The following RAB8B variants were observed in gnomAD, a reference collection of about 807,000 sequenced individuals.
The protein encoded by RAB8B is RAB8B, member RAS oncogene family, also known as ras-related protein Rab-8B.
Under a neutral mutation model 32.0 loss-of-function variants are expected in RAB8B, and 11 were observed. That is an observed-to-expected ratio of 0.34 (90% CI 0.22 to 0.57). RAB8B has a LOEUF of 0.57. Among genes scored for constraint, RAB8B ranks in the 20% least tolerant of loss-of-function variants. The probability of loss-of-function intolerance (pLI) is 0.86; values close to 1 mark genes in which losing one functional copy is unlikely to be tolerated. For missense variants in RAB8B, 190 were observed against 258.5 expected, an observed-to-expected ratio of 0.73 and a Z score of 1.82; for synonymous variants, 103 against 89.6, an observed-to-expected ratio of 1.15 and a Z score of -0.85.
chr15:63,240,427 A>G (rs933445087), intron 1 of RAB8B, among the ~76,000 whole-genome samples: 3 of 152,082 alleles, frequency 2.0e-5, no homozygotes, highest in African/African-American at 7.2e-5. Context: ...ACCTTTTTTT[A>G]TGGATGAGGA....
intron 3 of RAB8B, among the ~76,000 whole-genome samples, chr15:63,253,007 C>CA (rs1472725385): frequency 6.6e-6 from 1 of 152,182 alleles, no homozygotes; most frequent in Non-Finnish European, 1.5e-5. Context: ...CTCGGCCTCC[C>CA]AAAGTGCTGG....
Position 63,228,752 on chromosome 15 carries a change from A to G in RAB8B, c.125-16004A>G, listed in dbSNP as rs2037909729. Among the ~76,000 whole-genome samples the G allele has an allele frequency of 2.0e-5, 3 of 152,360 alleles. 1 individual carries two copies. The South Asian group carries it at 6.2e-4, about 32-fold the overall frequency. ...TTGTGCTTTTTTTCCCATAGAAACA[A>G]GATTATACTAAATGCTAAGATTTTG... is the stretch of plus-strand genomic sequence containing the variant. On this transcript the variant is annotated intron_variant, in intron 1 of 7. Transcript: ENST00000321437.
chr15:63,219,000 G>C (rs1005148943), intron 1 of RAB8B, among the ~76,000 whole-genome samples: 4 of 101,812 alleles, frequency 3.9e-5, no homozygotes, highest in Admixed American at 1.2e-4. Flanking sequence ...TCTTCCAGCA[G>C]TGGATTTTTT....
intron 2 of RAB8B, among the ~76,000 whole-genome samples, chr15:63,245,957 C>T (rs2038068097): frequency 1.3e-5 from 2 of 152,176 alleles, no homozygotes; most frequent in Non-Finnish European, 2.9e-5. Flanking sequence ...ACTGCAACCT[C>T]CACCTCCCGG....
At chr15:63,215,089 AG>A (rs2037781404) in intron 1 of RAB8B, among the ~76,000 whole-genome samples, 1 of 152,196 alleles carries the variant, frequency 6.6e-6, no homozygotes, top group African/African-American at 2.4e-5. Flanking sequence ...AACTACCAAC[AG>A]GGGCTCTGGG....
At chr15:63,220,145 A>G (rs2037831596) in intron 1 of RAB8B, among the ~76,000 whole-genome samples, 1 of 152,180 alleles carries the variant, frequency 6.6e-6, no homozygotes, top group Non-Finnish European at 1.5e-5. Context: ...ATTGCTATTT[A>G]TTTCAGTGTG....
Position 63,212,419 on chromosome 15 carries a change from C to T in RAB8B, c.124+22671C>T, listed in dbSNP as rs75698685. ...TTTATTCTAGTCTAACCTCATTTTG[C>T]GTGAAAATTTTTGTACTAGAAAATG... On this transcript the variant is annotated intron_variant, in intron 1 of 7. Coordinates refer to ENST00000321437, the MANE Select transcript of RAB8B (RefSeq NM_016530.3). Among the ~76,000 whole-genome samples the T allele has an allele frequency of 4.3e-3, 651 of 152,114 alleles. 3 individuals carry two copies. The highest frequency in any genetic ancestry group is 0.015 in the African/African-American group (627 of 41,504).
chr15:63,212,437 A>G (rs2037755374), intron 1 of RAB8B, among the ~76,000 whole-genome samples: 1 of 152,202 alleles, frequency 6.6e-6, no homozygotes, highest in Non-Finnish European at 1.5e-5. Context: ...TTTTTGTACT[A>G]GAAAATGTCA....
chr15:63,229,652 G>T (rs142502399), intron 1 of RAB8B, among the ~76,000 whole-genome samples: 2 of 151,716 alleles, frequency 1.3e-5, no homozygotes, highest in Admixed American at 1.3e-4. Flanking sequence ...TTGGTGGCAC[G>T]TGCCTGTAAT....
At chr15:63,263,104 CATT>C (rs1215112351) in intron 7 of RAB8B, among the ~76,000 whole-genome samples, 1 of 152,190 alleles carries the variant, frequency 6.6e-6, no homozygotes, top group African/African-American at 2.4e-5. Flanking sequence ...AATTTGAAAT[CATT>C]AAGACAACCT....
chr15:63,237,967 C>T (rs2037996925), intron 1 of RAB8B, among the ~76,000 whole-genome samples: 1 of 151,928 alleles, frequency 6.6e-6, no homozygotes, highest in Non-Finnish European at 1.5e-5. Context: ...CCCAGTTTTC[C>T]CAGCACCATT....
chr15:63,259,797 C>G lies in RAB8B; in HGVS notation c.480+105C>G. The G allele has an allele frequency of 1.0e-6, 1 of 982,268 alleles. No individual in the cohort carries two copies. The highest frequency in any genetic ancestry group is 1.5e-6 in the Non-Finnish European group (1 of 646,040). 60.8% of individuals were successfully genotyped at this position (982,268 alleles called of 1,614,324 possible). On this transcript the variant is annotated intron_variant, in intron 6 of 7. Transcript: ENST00000321437. The surrounding 1 kb of genome is among the most constrained non-coding windows in gnomAD (Gnocchi z 4.4). ...TGGTATTTTCTGACCTAATGAATGC[C>G]TTTTGTTGACCCAACTCTACTTTGT... is the stretch of plus-strand genomic sequence containing the variant.
intron 5 of RAB8B, among the ~76,000 whole-genome samples, chr15:63,257,103 G>A (rs2038164295): frequency 1.3e-5 from 2 of 152,060 alleles, no homozygotes; most frequent in Admixed American, 6.5e-5. Context: ...ATGGGCATGG[G>A]CATTTCTCTC....
intron 1 of RAB8B, among the ~76,000 whole-genome samples, chr15:63,205,316 C>CAAAT (rs1005614981): frequency 6.6e-6 from 1 of 151,848 alleles, no homozygotes. Context: ...AATAAATAAA[C>CAAAT]AAATAAATAA....
intron 1 of RAB8B, among the ~76,000 whole-genome samples, chr15:63,231,483 G>C (rs1427740221): frequency 9.6e-6 from 1 of 103,994 alleles, no homozygotes; most frequent in Non-Finnish European, 1.9e-5. Flanking sequence ...CTAAAATCAG[G>C]GATTTGCGTG....
chr15:63,258,205 G>A (rs995468327), intron 5 of RAB8B, among the ~76,000 whole-genome samples: 5 of 151,622 alleles, frequency 3.3e-5, no homozygotes, highest in African/African-American at 1.2e-4. Context: ...TGGTTCAAGC[G>A]ATTCTCCTGT....
intron 1 of RAB8B, among the ~76,000 whole-genome samples, chr15:63,225,275 T>C (rs1717970636): frequency 6.6e-6 from 1 of 152,200 alleles, no homozygotes; most frequent in Admixed American, 6.5e-5. Context: ...TTTTAGCTAG[T>C]CATCAAAGCT....
chr15:63,223,538 G>A (rs1435690506), intron 1 of RAB8B, among the ~76,000 whole-genome samples: 1 of 152,182 alleles, frequency 6.6e-6, no homozygotes, highest in Non-Finnish European at 1.5e-5. Flanking sequence ...TACTATATAA[G>A]TTTGTAGCCT....
At chr15:63,196,049 G>A (rs8032253) in intron 1 of RAB8B, among the ~76,000 whole-genome samples, 58,004 of 152,028 alleles carry the variant, frequency 0.38, 12,477 homozygotes, top group Non-Finnish European at 0.5. Flanking sequence ...CTCTTAGGGC[G>A]TGGCTGCTTT....
Sources: gnomAD v4.1 joint callset for allele counts (sites outside exome capture counted in the v4.1 genomes callset) on GRCh38, gnomAD v4.1.1 for gene constraint, Gnocchi (gnomAD v3.1) non-coding constraint, MANE v1.5 for transcripts, NCBI Gene and HGNC (gene_info 2026-07-23, HGNC 2026-07-21) for gene names.